FGD5: variants seen among roughly 807,000 people sequenced by gnomAD.
FGD5 encodes FYVE, RhoGEF and PH domain containing 5, also known as FYVE, RhoGEF and PH domain-containing protein 5.
In FGD5, 28 loss-of-function variants were observed where a neutral mutation model predicts 133.4. The observed-to-expected ratio is 0.21, with a 90% confidence interval of 0.16 to 0.29. The LOEUF (loss-of-function observed/expected upper bound fraction) is 0.29, where lower values mean the gene tolerates loss of function less well. Ranked by LOEUF, FGD5 falls within the 10% of genes least tolerant of loss-of-function variation. The pLI is 1.00. For missense variants in FGD5, 1,858 were observed against 1,895.2 expected, an observed-to-expected ratio of 0.98 and a Z score of 0.36; for synonymous variants, 810 against 776.5, an observed-to-expected ratio of 1.04 and a Z score of -0.72.
intron 1 of FGD5, among the ~76,000 whole-genome samples, chr3:14,831,264 T>G (rs879838384): frequency 1.3e-5 from 2 of 152,164 alleles, no homozygotes; most frequent in Non-Finnish European, 2.9e-5. Flanking sequence ...TTGAAAGAGA[T>G]GCCATTGGAG....
intron 4 of FGD5, among the ~76,000 whole-genome samples, chr3:14,883,842 G>A (rs949572891): frequency 1.3e-5 from 2 of 152,186 alleles, no homozygotes; most frequent in Non-Finnish European, 2.9e-5. Context: ...GGGAGGGAAA[G>A]ACATATGCAG....
rs1486183580 is a variant in FGD5, at chr3:14,922,485, C to T, written c.3744C>T (p.Cys1248=). Residue 1248 remains cysteine, a synonymous_variant, in exon 15 of 20, where the codon TGC becomes TGT. Transcript: ENST00000285046. The surrounding 1 kb of genome is among the most constrained non-coding windows in gnomAD (Gnocchi z 4.1). ...TGCCTGTCACACACGTCATGATGTG[C>T]ATGAACTGCGGCTGCGACTTCTCCC... ...TLVPVTHVMM[C]MNCGCDFSLT... 3.2e-6 allele frequency: 5 copies of T among 1,582,158 alleles called. No individual in the cohort carries two copies. Among genetic ancestry groups the T allele is most frequent in the African/African-American group, 2.7e-5 (2 of 74,206 alleles).
At chr3:14,825,615 C>G (rs775325176) in intron 1 of FGD5, among the ~76,000 whole-genome samples, 3 of 152,146 alleles carry the variant, frequency 2.0e-5, no homozygotes, top group Non-Finnish European at 2.9e-5. Flanking sequence ...TGCCACTGCA[C>G]TCCAGCCTGG....
chr3:14,878,615 C>A (rs1407054545), intron 2 of FGD5, among the ~76,000 whole-genome samples: 1 of 152,124 alleles, frequency 6.6e-6, no homozygotes, highest in African/African-American at 2.4e-5. Flanking sequence ...GGATACTATT[C>A]TCCTACTGTG....
rs370319494 is a variant in FGD5, at chr3:14,907,632, A to G, written c.3265-8A>G. 92 of 1,612,810 alleles carry G rather than the reference A, an allele frequency of 5.7e-5. 1 individual carries two copies. Among genetic ancestry groups the G allele is most frequent in the Admixed American group, 4.0e-4 (24 of 59,922 alleles). On this transcript the variant is annotated splice_polypyrimidine_tract_variant and splice_region_variant and intron_variant, in intron 9 of 19. Coordinates refer to ENST00000285046, the MANE Select transcript of FGD5 (RefSeq NM_152536.4). ...ACCATCTCTCCCTCACCCCATTCCC[A>G]CCCACAGGAAAACCTGCAGAAGCTG...
intron 4 of FGD5, among the ~76,000 whole-genome samples, chr3:14,894,009 C>G (rs1407211475): frequency 1.3e-5 from 2 of 151,034 alleles, no homozygotes; most frequent in Non-Finnish European, 3.0e-5. Flanking sequence ...CTACCTGCCT[C>G]TGCCTCCCAA....
In FGD5 at chr3:14,819,236, G is replaced by A. The variant is rs2036431090; in HGVS notation, c.165G>A (p.Lys55=). The A allele has an allele frequency of 6.5e-7, 1 of 1,544,940 alleles. No individual in the cohort carries two copies. Among genetic ancestry groups the A allele is most frequent in the African/African-American group, 1.4e-5 (1 of 72,830 alleles). ...GLDEGPRSIP[K]CSESETDEDY... ...ATGAGGGGCCCCGGTCCATCCCAAA[G>A]TGCTCTGAGTCGGAGACCGACGAGG... Residue 55 remains lysine, a synonymous_variant, in exon 1 of 20, where the codon AAG becomes AAA. Transcript: ENST00000285046. The surrounding 1 kb of genome is among the most constrained non-coding windows in gnomAD (Gnocchi z 4.1).
At chr3:14,842,378 C>T (rs2036940691) in intron 1 of FGD5, among the ~76,000 whole-genome samples, 1 of 152,218 alleles carries the variant, frequency 6.6e-6, no homozygotes, top group South Asian at 2.1e-4. Context: ...GGATCCCCAC[C>T]CCTGTGCATC....
At chr3:14,909,761 CTTTT>C (rs201883392) in intron 10 of FGD5, among the ~76,000 whole-genome samples, 6 of 137,496 alleles carry the variant, frequency 4.4e-5, no homozygotes, top group Admixed American at 7.4e-5. Context: ...CTTTTCTTTT[CTTTT>C]TTTTTTTTTT....
chr3:14,810,820 C>T (rs1169378264), upstream of FGD5: 8 of 984,570 alleles, frequency 8.1e-6, no homozygotes, highest in Admixed American at 1.9e-4. Context: ...CGGACTGAAA[C>T]GCCGACGGCG....
At chr3:14,861,896 G>T (rs2037404650) in intron 1 of FGD5, among the ~76,000 whole-genome samples, 1 of 152,162 alleles carries the variant, frequency 6.6e-6, no homozygotes, top group Admixed American at 6.5e-5. Context: ...ATCAGATTGG[G>T]TTTTGAGATG....
intron 1 of FGD5, among the ~76,000 whole-genome samples, chr3:14,832,455 G>A (rs771114727): frequency 6.6e-6 from 1 of 152,192 alleles, no homozygotes; most frequent in African/African-American, 2.4e-5. Flanking sequence ...GGTCAGCAAC[G>A]GAGCGAGAAT....
intron 18 of FGD5, among the ~76,000 whole-genome samples, chr3:14,927,763 A>T (rs13327136): frequency 0.033 from 4,954 of 151,938 alleles, 204 homozygotes; most frequent in African/African-American, 0.093. Context: ...ATTTTTTCCA[A>T]CATTTTCTGT....
At chr3:14,844,254 AT>A (rs2036998055) in intron 1 of FGD5, among the ~76,000 whole-genome samples, 1 of 66,370 alleles carries the variant, frequency 1.5e-5, no homozygotes, top group Non-Finnish European at 2.9e-5. Flanking sequence ...ATATATATAT[AT>A]ATATATATAT....
Position 14,825,515 on chromosome 3 carries a change from T to A in FGD5, c.2525+3919T>A, listed in dbSNP as rs115731842. Among the ~76,000 whole-genome samples, 94 of 152,130 alleles carry A rather than the reference T, an allele frequency of 6.2e-4. 1 individual carries two copies. Among genetic ancestry groups the A allele is most frequent in the African/African-American group, 2.2e-3 (90 of 41,486 alleles). On this transcript the variant is annotated intron_variant, in intron 1 of 19. Transcript: ENST00000285046. Reference sequence around the variant, plus strand: ...CACGTGTATAAATAGCCGGGCATTGTGGTACGCACCTGTAGTCCCAGCTGC... The same window carrying A: ...CACGTGTATAAATAGCCGGGCATTGAGGTACGCACCTGTAGTCCCAGCTGC...
chr3:14,910,937 C>T lies in FGD5; in HGVS notation c.3405+8C>T, dbSNP rs569806951. The stretch of plus-strand genomic sequence containing the variant: ...CCCCGGCACCTATTTCTGGTAAGTG[C>T]CCGGTCCCCAAGCCCAGCTCAGGAA... On this transcript the variant is annotated splice_region_variant and intron_variant, in intron 11 of 19. Transcript: ENST00000285046. 6.3e-5 allele frequency: 101 copies of T among 1,609,698 alleles called. No individual in the cohort carries two copies. The South Asian group carries it at 1.0e-3, about 16-fold the overall frequency.
At chr3:14,903,319 G>A (rs879691501) in intron 9 of FGD5, among the ~76,000 whole-genome samples, 9 of 152,122 alleles carry the variant, frequency 5.9e-5, no homozygotes, top group Admixed American at 3.3e-4. Context: ...GAGTCCCCAT[G>A]TGTCCCCCAC....
At chr3:14,825,662 A>C (rs1158686754) in intron 1 of FGD5, among the ~76,000 whole-genome samples, 1 of 152,138 alleles carries the variant, frequency 6.6e-6, no homozygotes, top group East Asian at 1.9e-4. Context: ...GAAAAATGAA[A>C]TGAAATGTAT....
rs2036464413 is a variant in FGD5 at position 14,820,330 on chromosome 3, A to C, written c.1259A>C (p.Glu420Ala). Residue 420 changes from glutamate (E) to alanine (A), a missense_variant, in exon 1 of 20, where the codon GAG becomes GCG. By Grantham distance (107) the Glu-to-Ala change is moderately radical. Coordinates refer to ENST00000285046, the MANE Select transcript of FGD5 (RefSeq NM_152536.4). ...APDVVVVLEE[E>A]ALDDALANPY... ...GATGTGGTGGTCGTGCTGGAGGAGGAGGCCTTGGATGATGCACTGGCCAAC... is the reference window on the plus strand; with the variant it reads ...GATGTGGTGGTCGTGCTGGAGGAGGCGGCCTTGGATGATGCACTGGCCAAC... 2 of 1,610,294 alleles carry C rather than the reference A, an allele frequency of 1.2e-6. No individual in the cohort carries two copies. Among genetic ancestry groups the C allele is most frequent in the Non-Finnish European group, 1.7e-6 (2 of 1,177,860 alleles).
Sources: gnomAD v4.1 joint callset for allele counts (sites outside exome capture counted in the v4.1 genomes callset) on GRCh38, gnomAD v4.1.1 for gene constraint, Gnocchi (gnomAD v3.1) non-coding constraint, MANE v1.5 for transcripts, NCBI Gene and HGNC (gene_info 2026-07-23, HGNC 2026-07-21) for gene names.